The following CCDC141 variants were observed in gnomAD, a reference collection of about 807,000 sequenced individuals.
The protein encoded by CCDC141 is coiled-coil domain-containing protein 141.
In CCDC141, 168 loss-of-function variants were observed where a neutral mutation model predicts 181.0. The observed-to-expected ratio is 0.93, with a 90% CI of 0.82 to 1.05. CCDC141 has a LOEUF of 1.05. Among genes scored for constraint, CCDC141 ranks in the 50% least tolerant of loss-of-function variants. The pLI is 0.00. For synonymous variants in CCDC141, 666 were observed against 642.3 expected (o/e 1.04, Z -0.56); for missense variants, 1,902 against 1,788.5 (o/e 1.06, Z -1.14).
At position 178,837,548 on chromosome 2, in the gene CCDC141, T is replaced by G; in HGVS notation, c.3671A>C (p.Glu1224Ala). 6.2e-7 allele frequency: 1 copy of G among 1,613,866 alleles called. No homozygotes were observed. The highest frequency in any genetic ancestry group is 1.1e-5 in the South Asian group (1 of 91,076). The change falls in exon 23 of 24, where the codon GAG becomes GCG. Residue 1224 changes from glutamate (E) to alanine (A), a missense_variant. By Grantham distance (107) the Glu-to-Ala change is moderately radical. Transcript: ENST00000443758. ...CATGTCAGATGGTGCAAGAGGGGACTCAGGGCTTCCTGGGAGAGGAGGCAA... is the reference window on the plus strand; with the variant it reads ...CATGTCAGATGGTGCAAGAGGGGACGCAGGGCTTCCTGGGAGAGGAGGCAA... ...ISLPPLPGSP[E>A]SPLAPSDMEV...
intron 14 of CCDC141, among the ~76,000 whole-genome samples, chr2:178,869,831 T>C (rs1686030698): frequency 6.6e-6 from 1 of 152,168 alleles, no homozygotes; most frequent in African/African-American, 2.4e-5. Context: ...GATCCACAAA[T>C]AGCCATCACA....
At chr2:179,048,815 T>G (rs976508815) in intron 1 of CCDC141, among the ~76,000 whole-genome samples, 2 of 152,202 alleles carry the variant, frequency 1.3e-5, no homozygotes, top group African/African-American at 4.8e-5. Context: ...TGTCCTTCTA[T>G]AGTGAACTGT....
chr2:179,011,469 T>C (rs1400161834), intron 2 of CCDC141, among the ~76,000 whole-genome samples: 1 of 152,082 alleles, frequency 6.6e-6, no homozygotes, highest in East Asian at 1.9e-4. Flanking sequence ...CCCAAATTTA[T>C]AAAACAATTA....
intron 7 of CCDC141, among the ~76,000 whole-genome samples, chr2:178,905,750 T>C (rs1687937537): frequency 2.0e-5 from 3 of 152,202 alleles, no homozygotes; most frequent in African/African-American, 7.2e-5. Context: ...ACCAAAATAG[T>C]TTACATTGAG....
At chr2:178,865,705 A>T in intron 17 of CCDC141, 62 bp downstream of exon 17, 1 of 1,378,656 alleles carries the variant, frequency 7.3e-7, no homozygotes, top group Non-Finnish European at 9.5e-7. Flanking sequence ...ACATTTAGAC[A>T]CATGCTTTAG....
chr2:178,865,760 C>A lies in CCDC141; in HGVS notation c.2724+7G>T. 6.7e-7 allele frequency: 1 copy of A among 1,488,442 alleles called. No individual in the cohort carries two copies. Among genetic ancestry groups the A allele is most frequent in the Non-Finnish European group, 9.0e-7 (1 of 1,115,274 alleles). The allele number at this position is 1,488,442 out of a possible 1,614,324, so 92.2% of individuals were successfully genotyped here. On this transcript the variant is annotated splice_region_variant and intron_variant, in intron 17 of 23. Coordinates refer to ENST00000443758, the MANE Select transcript of CCDC141 (RefSeq NM_173648.4). ...AATGTGCCAGTTCTCACCCCTCCCA[C>A]ACCCACCTCATTTATCTCGTCTCTC...
intron 7 of CCDC141, 138 bp from the exon 8 acceptor site, chr2:178,905,639 T>C: frequency 1.2e-6 from 1 of 859,788 alleles, no homozygotes; most frequent in Non-Finnish European, 1.7e-6. Flanking sequence ...ATCTTAATCT[T>C]GGAAGATTGT....
intron 2 of CCDC141, among the ~76,000 whole-genome samples, chr2:178,998,003 A>G (rs1488326675): frequency 6.6e-6 from 1 of 152,212 alleles, no homozygotes; most frequent in Non-Finnish European, 1.5e-5. Flanking sequence ...ACCATAAGGT[A>G]TGGAAAGACA....
At chr2:178,967,440 A>G (rs1268942734) in intron 4 of CCDC141, among the ~76,000 whole-genome samples, 2 of 152,214 alleles carry the variant, frequency 1.3e-5, no homozygotes, top group African/African-American at 2.4e-5. Flanking sequence ...AATAGTCAAC[A>G]TTCTTAAAGA....
At chr2:178,818,808 T>C in the CCDC141 span, among the ~76,000 whole-genome samples, 3 of 152,212 alleles carry the variant, frequency 2.0e-5, no homozygotes, top group Admixed American at 2.0e-4. Flanking sequence ...ATGGGATTGC[T>C]GGGTCAAACG....
chr2:179,031,088 T>C (rs1380775187), intron 2 of CCDC141, among the ~76,000 whole-genome samples: 1 of 152,114 alleles, frequency 6.6e-6, no homozygotes, highest in Non-Finnish European at 1.5e-5. Flanking sequence ...ATACAGGACT[T>C]TGAAGTTTTA....
intron 2 of CCDC141, among the ~76,000 whole-genome samples, chr2:179,032,626 C>T (rs569404388): frequency 2.0e-5 from 3 of 152,116 alleles, no homozygotes; most frequent in Non-Finnish European, 4.4e-5. Context: ...GATTTCTAAT[C>T]CTTTCCCCTA....
chr2:178,851,441 A>C (rs1244496199), intron 20 of CCDC141, among the ~76,000 whole-genome samples: 1 of 152,142 alleles, frequency 6.6e-6, no homozygotes, highest in African/African-American at 2.4e-5. Flanking sequence ...TGGTTAAATT[A>C]AAATGAGGCC....
At position 178,831,120 on chromosome 2, in the gene CCDC141, T is replaced by C. The variant is rs922470309; in HGVS notation, c.*3053A>G. On this transcript the variant is annotated 3_prime_UTR_variant, in exon 24 of 24. Transcript: ENST00000443758. ...TTATTGATTAATATAGCTAAAAAAT[T>C]TTCTGCATCTTGTTCAAATATTTTA... 6 of 152,252 alleles carry C rather than the reference T, an allele frequency of 3.9e-5. No individual in the cohort carries two copies. The highest frequency in any genetic ancestry group is 3.3e-4 in the Admixed American group (5 of 15,284). 9.4% of individuals were successfully genotyped at this position (152,252 alleles called of 1,614,324 possible).
chr2:178,886,518 G>A (rs534824948), intron 10 of CCDC141, among the ~76,000 whole-genome samples: 1 of 152,104 alleles, frequency 6.6e-6, no homozygotes, highest in Non-Finnish European at 1.5e-5. Context: ...AACCAAATGA[G>A]TGTTTAATAC....
intron 19 of CCDC141, among the ~76,000 whole-genome samples, chr2:178,854,406 C>T (rs1049046724): frequency 7.9e-5 from 12 of 152,062 alleles, no homozygotes; most frequent in African/African-American, 2.9e-4. Flanking sequence ...CGCCTGTAGT[C>T]CCAGCTACTC....
intron 5 of CCDC141, 80 bp downstream of exon 5, chr2:178,961,150 A>C: frequency 6.9e-7 from 1 of 1,445,476 alleles, no homozygotes; most frequent in Non-Finnish European, 9.3e-7. Context: ...AAGACTGACA[A>C]ACTGCCCCAG....
intron 20 of CCDC141, among the ~76,000 whole-genome samples, chr2:178,852,565 C>T (rs1685209359): frequency 6.6e-6 from 1 of 152,134 alleles, no homozygotes; most frequent in South Asian, 2.1e-4. Context: ...ATAATTCATT[C>T]TCAACAATTT....
chr2:178,851,840 A>C (rs558009584), intron 20 of CCDC141, among the ~76,000 whole-genome samples: 37 of 152,320 alleles, frequency 2.4e-4, no homozygotes, highest in South Asian at 1.4e-3. Flanking sequence ...CTCTTAGTAG[A>C]TAACAGGTAT....
Sources: gnomAD v4.1 joint callset for allele counts (sites outside exome capture counted in the v4.1 genomes callset) on GRCh38, gnomAD v4.1.1 for gene constraint, MANE v1.5 for transcripts, NCBI Gene and HGNC (gene_info 2026-07-23, HGNC 2026-07-21) for gene names.